LRRC27: variants seen among roughly 807,000 people sequenced by gnomAD.
LRRC27 encodes leucine rich repeat containing 27.
LRRC27 carries 57 observed loss-of-function variants against 55.0 expected under a neutral mutation model. That is an observed-to-expected ratio of 1.04 (90% CI 0.84 to 1.29). The LOEUF (loss-of-function observed/expected upper bound fraction) is 1.29. LRRC27 is among the 50% of genes most tolerant of loss of function. LRRC27 has a pLI of 0.00. For synonymous variants in LRRC27, 278 were observed against 251.9 expected, an observed-to-expected ratio of 1.10 and a Z score of -0.98; for missense variants, 721 against 651.5, an observed-to-expected ratio of 1.11 and a Z score of -1.16.
At position 132,348,114 on chromosome 10, in the gene LRRC27, G is replaced by A. The variant is rs975837544; in HGVS notation, c.684G>A (p.Lys228=). ...QDPEGAVMKE[K]ASFLPPVEKP... ...CAGAGGGGGCTGTGATGAAAGAGAA[G>A]GCCAGCTTTCTCCCACCTGTGGAAA... Residue 228 remains lysine (K), a synonymous_variant, in exon 6 of 11, where the codon AAG becomes AAA. Coordinates refer to ENST00000368614, the MANE Select transcript of LRRC27 (RefSeq NM_030626.3). This position sits in a 1 kb window ranked among gnomAD's most constrained non-coding sequence, Gnocchi z 4.2. 2 of 1,614,000 alleles carry A rather than the reference G, an allele frequency of 1.2e-6. No homozygotes were observed. The highest frequency in any genetic ancestry group is 1.7e-6 in the Non-Finnish European group (2 of 1,180,046).
intron 10 of LRRC27, chr10:132,366,788 C>T: frequency 8.5e-7 from 1 of 1,178,250 alleles, no homozygotes; most frequent in Non-Finnish European, 1.1e-6. Flanking sequence ...CCTTCCTGTC[C>T]CCACACCCCA....
rs971249108 is a variant in LRRC27 at position 132,361,461 on chromosome 10, C to T, written c.1175C>T (p.Ala392Val). ...KLLPPRRSMVASKIPSATDLI... is the reference protein window; with the variant it reads ...KLLPPRRSMVVSKIPSATDLI... ...CATCTTGTTGCATTTTCCTAGGTGGCATCAAAGATTCCCTCTGCCACAGAT... is the reference window on the plus strand; with the variant it reads ...CATCTTGTTGCATTTTCCTAGGTGGTATCAAAGATTCCCTCTGCCACAGAT... The change falls in exon 9 of 11, where the codon GCA (alanine) becomes GTA (valine). Residue 392 changes from alanine to valine, a missense_variant. Ala to Val is a moderately conservative substitution (Grantham distance 64). Coordinates refer to ENST00000368614, the MANE Select transcript of LRRC27 (RefSeq NM_030626.3). The T allele has an allele frequency of 1.4e-5, 22 of 1,609,278 alleles. No individual in the cohort carries two copies. The highest frequency in any genetic ancestry group is 1.9e-5 in the Non-Finnish European group (22 of 1,175,902).
At chr10:132,331,284 A>G (rs1024230802), upstream of LRRC27, among the ~76,000 whole-genome samples, 1 of 150,252 alleles carries the variant, frequency 6.7e-6, no homozygotes, top group African/African-American at 2.5e-5. Context: ...TCTGGGTGGG[A>G]CAGAGGGTGC....
At chr10:132,364,717 AG>A in intron 9 of LRRC27, among the ~76,000 whole-genome samples, 1 of 2,752 alleles carries the variant, frequency 3.6e-4, no homozygotes, top group African/African-American at 7.6e-4. Context: ...ACACTCATGC[AG>A]TCCGCGTCCA....
intron 5 of LRRC27, among the ~76,000 whole-genome samples, chr10:132,345,311 A>G (rs1259564922): frequency 6.6e-6 from 1 of 152,132 alleles, no homozygotes; most frequent in African/African-American, 2.4e-5. Context: ...GTACTTTGAT[A>G]CTTAAGAAAA....
Position 132,375,419 on chromosome 10 carries a change from T to C in LRRC27, c.*177T>C, listed in dbSNP as rs1222665855. The stretch of plus-strand genomic sequence containing the variant: ...GGTCCACGTCCCTCTCCTGAGGCTG[T>C]GGAAGATTTCAGCCGTATTAAAAGA... On this transcript the variant is annotated 3_prime_UTR_variant, in exon 11 of 11. Coordinates refer to ENST00000368614, the MANE Select transcript of LRRC27 (RefSeq NM_030626.3). 2 of 564,000 alleles carry C rather than the reference T, an allele frequency of 3.5e-6. No homozygotes were observed. Among genetic ancestry groups the C allele is most frequent in the African/African-American group, 3.8e-5 (2 of 52,464 alleles). 34.9% of individuals were successfully genotyped at this position (564,000 alleles called of 1,614,324 possible).
chr10:132,330,818 A>G (rs1333075249), upstream of LRRC27, among the ~76,000 whole-genome samples: 2 of 151,378 alleles, frequency 1.3e-5, no homozygotes, highest in African/African-American at 2.4e-5. Flanking sequence ...CCTAAAAAAC[A>G]TTTCTTACTG....
At chr10:132,342,121 G>T in intron 3 of LRRC27, 92 bp from the exon 4 acceptor site, 1 of 797,190 alleles carries the variant, frequency 1.3e-6, no homozygotes, top group South Asian at 1.7e-5. Context: ...GCCCCTGAAA[G>T]AGAAGAAAAA....
intron 10 of LRRC27, among the ~76,000 whole-genome samples, chr10:132,371,323 C>T (rs1314004191): frequency 6.6e-6 from 1 of 152,204 alleles, no homozygotes; most frequent in East Asian, 1.9e-4. Context: ...GAGCCAGGAG[C>T]TTGCATGTGA....
Position 132,344,521 on chromosome 10 carries a change from C to T in LRRC27, c.424C>T (p.Leu142=), listed in dbSNP as rs765094251. 1 of 1,613,876 alleles carries T rather than the reference C, an allele frequency of 6.2e-7. No homozygotes were observed. The highest frequency in any genetic ancestry group is 1.1e-5 in the South Asian group (1 of 91,074). The change falls in exon 5 of 11, where the codon CTG becomes TTG. Residue 142 remains leucine, a synonymous_variant. Coordinates refer to ENST00000368614, the MANE Select transcript of LRRC27 (RefSeq NM_030626.3). ...ELGSVTTLKA[L]NLRHCPLEFP... ...AGGGAGCGTAACCACGCTGAAAGCA[C>T]TGAACCTAAGACACTGCCCTCTGGA...
At chr10:132,345,648 T>G (rs1209544081) in intron 5 of LRRC27, among the ~76,000 whole-genome samples, 2 of 152,210 alleles carry the variant, frequency 1.3e-5, no homozygotes, top group South Asian at 2.1e-4. Context: ...TGGAGGGCAC[T>G]GGGCACCTGG....
rs2067448318 is a variant in LRRC27 at position 132,342,197 on chromosome 10, T to C, written c.342-16T>C. On this transcript the variant is annotated splice_polypyrimidine_tract_variant and intron_variant, in intron 3 of 10. Transcript: ENST00000368614. ...ATCTTGCTTTTTAAATTTTTTTGTT[T>C]TGTTTTGCTTTAAAGGCATTTGAAA... 2.0e-6 allele frequency: 3 copies of C among 1,498,646 alleles called. No homozygotes were observed. The South Asian group carries it at 3.8e-5, about 19-fold the overall frequency. 92.8% of individuals were successfully genotyped at this position (1,498,646 alleles called of 1,614,324 possible). A position where few individuals can be genotyped will look rare whatever the true frequency, so the allele number is the denominator to read the frequency against.
intron 9 of LRRC27, among the ~76,000 whole-genome samples, chr10:132,365,053 C>T (rs753869891): frequency 3.9e-5 from 6 of 152,248 alleles, no homozygotes; most frequent in Non-Finnish European, 8.8e-5. Context: ...TTTAGGAAAA[C>T]CGTGTATTCC....
chr10:132,355,875 C>A lies in LRRC27; in HGVS notation c.1159C>A (p.Arg387=), dbSNP rs113966513. 6.4e-7 allele frequency: 1 copy of A among 1,554,160 alleles called. No homozygotes were observed. Among genetic ancestry groups the A allele is most frequent in the Non-Finnish European group, 8.7e-7 (1 of 1,148,476 alleles). ...KEELSKLLPP[R]RSMVASKIPS... ...AGAGCTCAGCAAACTCCTGCCTCCG[C>A]GGAGGAGCATGGTACGGCACGCGCG... Residue 387 remains arginine, a synonymous_variant, in exon 8 of 11, where the codon CGG becomes AGG. Coordinates refer to ENST00000368614, the MANE Select transcript of LRRC27 (RefSeq NM_030626.3).
At chr10:132,335,799 G>A (rs985344257) in intron 2 of LRRC27, among the ~76,000 whole-genome samples, 1 of 152,162 alleles carries the variant, frequency 6.6e-6, no homozygotes, top group African/African-American at 2.4e-5. Context: ...GTCAGCTCAG[G>A]GGCTCTTCAA....
chr10:132,375,303 G>A lies in LRRC27; in HGVS notation c.*61G>A, dbSNP rs937957064. On this transcript the variant is annotated 3_prime_UTR_variant, in exon 11 of 11. Coordinates refer to ENST00000368614, the MANE Select transcript of LRRC27 (RefSeq NM_030626.3). ...CAGGAGCCGCTCAGTCTTCTTTCCC[G>A]GGCGTCGCCTCCTGTGTGGTGCCGG... 6.7e-5 allele frequency: 100 copies of A among 1,502,522 alleles called. 1 individual carries two copies. In the South Asian group the frequency reaches 1.1e-3, roughly 16 times the overall value. 93.1% of individuals were successfully genotyped at this position (1,502,522 alleles called of 1,614,324 possible).
Position 132,361,442 on chromosome 10 carries a change from G to A in LRRC27, c.1171-15G>A, listed in dbSNP as rs748998023. The A allele has an allele frequency of 6.3e-7, 1 of 1,577,724 alleles. No homozygotes were observed. The highest frequency in any genetic ancestry group is 1.1e-5 in the South Asian group (1 of 90,338). The stretch of plus-strand genomic sequence containing the variant: ...CTACTGGGATTCCAGAAATCATCTT[G>A]TTGCATTTTCCTAGGTGGCATCAAA... On this transcript the variant is annotated splice_polypyrimidine_tract_variant and intron_variant, in intron 8 of 10. Transcript: ENST00000368614.
At chr10:132,342,484 G>A (rs1306214265) in intron 4 of LRRC27, among the ~76,000 whole-genome samples, 3 of 152,180 alleles carry the variant, frequency 2.0e-5, no homozygotes, top group Admixed American at 1.3e-4. Context: ...CTTGTGTGAG[G>A]CACAGTCACA....
intron 9 of LRRC27, among the ~76,000 whole-genome samples, chr10:132,364,474 CACCCACCCACACTT>C (rs2068869655): frequency 2.1e-4 from 23 of 109,450 alleles, no homozygotes; most frequent in African/African-American, 5.8e-4. Context: ...CCCACACTTA[CACCCACCCACACTT>C]ACACCCACCC....
Sources: allele counts gnomAD v4.1 joint callset (sites outside exome capture counted in the v4.1 genomes callset), GRCh38; gene constraint gnomAD v4.1.1; non-coding constraint Gnocchi (gnomAD v3.1); transcripts MANE v1.5; gene names NCBI Gene and HGNC (gene_info 2026-07-23, HGNC 2026-07-21).